The following BOC variants were observed in gnomAD, a reference collection of about 807,000 sequenced individuals.
The protein encoded by BOC is BOC cell adhesion associated, oncogene regulated, also known as brother of CDO.
BOC carries 76 observed loss-of-function variants against 112.0 expected under a neutral mutation model. That is an observed-to-expected ratio of 0.68 (90% CI 0.56 to 0.82). The LOEUF (loss-of-function observed/expected upper bound fraction) is 0.82, where lower values mean the gene tolerates loss of function less well. BOC is among the 40% of genes least tolerant of loss of function. BOC has a pLI of 0.00. For missense variants in BOC, 1,309 were observed against 1,511.7 expected, an observed-to-expected ratio of 0.87 and a Z score of 2.22; for synonymous variants, 580 against 599.8, an observed-to-expected ratio of 0.97 and a Z score of 0.48.
intron 4 of BOC, among the ~76,000 whole-genome samples, chr3:113,256,191 CTGTACTGCCCA>C (rs2107478176): frequency 6.6e-6 from 1 of 152,330 alleles, no homozygotes; most frequent in African/African-American, 2.4e-5. Flanking sequence ...GTGTCCAGCC[CTGTACTGCCCA>C]GTTCCATTCT....
chr3:113,251,452 G>C (rs1945632176), intron 4 of BOC: 1 of 154,702 alleles, frequency 6.5e-6, no homozygotes, highest in African/African-American at 2.4e-5. Context: ...GAAGAGATGA[G>C]GTGACAGTTT....
At position 113,236,292 on chromosome 3, in the gene BOC, A is replaced by ATATATATATATATACCCATGGG. The variant is rs1553726908; in HGVS notation, c.-81-13416_-81-13415insCCCATGGGTATATATATATATA. ...TATATATACCCATGGGTATATATAT[A>ATATATATATATATACCCATGGG]TATATATATATATATATATACCCAT... On this transcript the variant is annotated intron_variant, in intron 2 of 19. Transcript: ENST00000682979. 1.1e-3 allele frequency among the ~76,000 whole-genome samples: 51 copies of ATATATATATATATACCCATGGG among 48,384 alleles called. 1 individual carries two copies. The highest frequency in any genetic ancestry group is 4.5e-3 in the African/African-American group (40 of 8,798). The allele number at this position is 48,384 out of a possible 152,430, so 31.7% of individuals were successfully genotyped here.
intron 2 of BOC, among the ~76,000 whole-genome samples, chr3:113,239,537 C>T (rs1944014588): frequency 6.6e-6 from 1 of 152,228 alleles, no homozygotes; most frequent in African/African-American, 2.4e-5. Flanking sequence ...TATGAGTTGG[C>T]CATTCAGGCT....
At chr3:113,226,316 C>T (rs996158577) in intron 2 of BOC, among the ~76,000 whole-genome samples, 1 of 152,154 alleles carries the variant, frequency 6.6e-6, no homozygotes, top group African/African-American at 2.4e-5. Context: ...GGTCTTTCTC[C>T]ATGTGGGGTG....
chr3:113,272,256 G>A lies in BOC; in HGVS notation c.668-154G>A, dbSNP rs149927346. On this transcript the variant is annotated intron_variant, in intron 6 of 19. Coordinates refer to ENST00000682979, the MANE Select transcript of BOC (RefSeq NM_001378074.1). ...TCTGATAAGGACACCAAGCCCCAAG[G>A]GAATTCTGTAGCACGCCCCACTCTA... 813 of 776,568 alleles carry A rather than the reference G, an allele frequency of 1.0e-3. 1 individual carries two copies. In the East Asian group the frequency reaches 0.012, roughly 11 times the overall value. 48.1% of individuals were successfully genotyped at this position (776,568 alleles called of 1,614,324 possible).
chr3:113,278,277 C>G lies in BOC; in HGVS notation c.1705+20C>G. ...GAACTGGTGAGAGTCAAACATTGCC[C>G]CTTGCTTAGGGTTTCCGTGGGTCTA... On this transcript the variant is annotated intron_variant, in intron 10 of 19. Transcript: ENST00000682979. This position sits in a 1 kb window ranked among gnomAD's most constrained non-coding sequence, Gnocchi z 4.2. The G allele has an allele frequency of 6.2e-7, 1 of 1,613,042 alleles. No individual in the cohort carries two copies. Among genetic ancestry groups the G allele is most frequent in the Non-Finnish European group, 8.5e-7 (1 of 1,179,176 alleles).
chr3:113,240,213 A>T (rs1944106802), intron 2 of BOC, among the ~76,000 whole-genome samples: 1 of 152,220 alleles, frequency 6.6e-6, no homozygotes, highest in Non-Finnish European at 1.5e-5. Context: ...AGCAGTGGGT[A>T]AGAACAGGGA....
Position 113,272,618 on chromosome 3 carries a change from G to A in BOC, c.876G>A (p.Glu292=), listed in dbSNP as rs575024692. The part of the protein sequence containing the change: ...SNLLIDTTSE[E]DSGTYRCMAD... The stretch of plus-strand genomic sequence containing the variant: ...TCCTCATCGACACCACCAGCGAGGA[G>A]GACTCAGGCACCTACCGCTGCATGG... The change falls in exon 7 of 20, where the codon GAG becomes GAA. Residue 292 remains glutamate (E), a synonymous_variant. Coordinates refer to ENST00000682979, the MANE Select transcript of BOC (RefSeq NM_001378074.1). 1.2e-6 allele frequency: 2 copies of A among 1,614,020 alleles called. No homozygotes were observed. The highest frequency in any genetic ancestry group is 1.3e-5 in the African/African-American group (1 of 74,994).
At chr3:113,249,568 A>C (rs1240916447) in intron 2 of BOC, among the ~76,000 whole-genome samples, 154 bp from the exon 3 acceptor site, 2 of 152,186 alleles carry the variant, frequency 1.3e-5, no homozygotes, top group Non-Finnish European at 1.5e-5. Context: ...AAATGGCACT[A>C]TAGTGTTCTT....
intron 4 of BOC, among the ~76,000 whole-genome samples, 163 bp from the exon 5 acceptor site, chr3:113,268,136 C>A (rs1947706562): frequency 6.6e-6 from 1 of 152,130 alleles, no homozygotes; most frequent in Non-Finnish European, 1.5e-5. Flanking sequence ...CTTACAAACT[C>A]CTGTAGACAA....
chr3:113,225,757 A>C (rs2107657158), intron 2 of BOC, among the ~76,000 whole-genome samples: 1 of 152,364 alleles, frequency 6.6e-6, no homozygotes, highest in South Asian at 2.1e-4. Context: ...ATCAGGGTGC[A>C]GTCTCCTGGC....
Position 113,274,580 on chromosome 3 carries a change from GC to G in BOC, c.1444del (p.Arg482AlafsTer29). The G allele has an allele frequency of 6.2e-7, 1 of 1,613,626 alleles. No homozygotes were observed. Among genetic ancestry groups the G allele is most frequent in the Non-Finnish European group, 8.5e-7 (1 of 1,179,998 alleles). On this transcript the variant is annotated frameshift_variant, in exon 9 of 20. Coordinates refer to ENST00000682979, the MANE Select transcript of BOC (RefSeq NM_001378074.1). LOFTEE classifies it high-confidence loss of function. The surrounding 1 kb of genome is among the most constrained non-coding windows in gnomAD (Gnocchi z 4.8). ...PAEAPIILSS[P>X]RTSKTDSYEL... ...CCGAGGCTCCCATCATCCTCAGCTC[GC>G]CCCGCACCTCCAAGACAGACTCATA...
chr3:113,274,584 C>A lies in BOC; in HGVS notation c.1444C>A (p.Arg482Ser). ...AEAPIILSSP[R>S]TSKTDSYELV... is the part of the protein sequence containing the mutation. Reference sequence around the variant, plus strand: ...GGCTCCCATCATCCTCAGCTCGCCCCGCACCTCCAAGACAGACTCATATGA... The same window carrying A: ...GGCTCCCATCATCCTCAGCTCGCCCAGCACCTCCAAGACAGACTCATATGA... The change falls in exon 9 of 20, where the codon CGC (arginine) becomes AGC (serine). Residue 482 changes from arginine to serine, a missense_variant. By Grantham distance (110) the Arg-to-Ser change is moderately radical. Coordinates refer to ENST00000682979, the MANE Select transcript of BOC (RefSeq NM_001378074.1). The surrounding 1 kb of genome is among the most constrained non-coding windows in gnomAD (Gnocchi z 4.8). 6.2e-7 allele frequency: 1 copy of A among 1,613,682 alleles called. No homozygotes were observed. The highest frequency in any genetic ancestry group is 8.5e-7 in the Non-Finnish European group (1 of 1,180,010).
intron 19 of BOC, among the ~76,000 whole-genome samples, chr3:113,286,233 T>G (rs9840485): frequency 0.028 from 4,273 of 152,200 alleles, 76 homozygotes; most frequent in Middle Eastern, 0.065. Context: ...GAGATTAAAT[T>G]TAAAAGATGC....
At chr3:113,233,524 G>A (rs1426822264) in intron 2 of BOC, among the ~76,000 whole-genome samples, 1 of 152,048 alleles carries the variant, frequency 6.6e-6, no homozygotes, top group African/African-American at 2.4e-5. Flanking sequence ...ACAGCTCCTC[G>A]CTAGTCTATG....
intron 2 of BOC, among the ~76,000 whole-genome samples, chr3:113,219,254 C>T (rs765838283): frequency 6.6e-6 from 1 of 152,186 alleles, no homozygotes; most frequent in Non-Finnish European, 1.5e-5. Context: ...AACGGTGGAC[C>T]TGGAGGGCAA....
chr3:113,259,523 TC>T (rs939494161), intron 4 of BOC, among the ~76,000 whole-genome samples: 7 of 152,206 alleles, frequency 4.6e-5, no homozygotes, highest in African/African-American at 7.2e-5. Flanking sequence ...CTTGGTTCCC[TC>T]ATTTTTTAAA....
At position 113,233,148 on chromosome 3, in the gene BOC, G is replaced by GGGGTGTGTGTGTGT. The variant is rs75678874; in HGVS notation, c.-81-16573_-81-16572insGGTGTGTGTGTGTG. Reference sequence around the variant, plus strand: ...CATGCATGAGCATGTAAAGGATTGGGGTGTGTGTGTGTGTGTGTGTGTGTG... The same window carrying GGGGTGTGTGTGTGT: ...CATGCATGAGCATGTAAAGGATTGGGGGGTGTGTGTGTGTGTGTGTGTGTGTGTGTGTGTGTGTG... On this transcript the variant is annotated intron_variant, in intron 2 of 19. Coordinates refer to ENST00000682979, the MANE Select transcript of BOC (RefSeq NM_001378074.1). Among the ~76,000 whole-genome samples, 15 of 124,032 alleles carry GGGGTGTGTGTGTGT rather than the reference G, an allele frequency of 1.2e-4. 1 individual carries two copies. Among genetic ancestry groups the GGGGTGTGTGTGTGT allele is most frequent in the East Asian group, 5.1e-4 (2 of 3,938 alleles). The allele number at this position is 124,032 out of a possible 152,430, so 81.4% of individuals were successfully genotyped here. A position where few individuals can be genotyped will look rare whatever the true frequency, so the allele number is the denominator to read the frequency against.
intron 4 of BOC, among the ~76,000 whole-genome samples, chr3:113,259,802 T>C (rs1481054612): frequency 2.6e-5 from 4 of 152,140 alleles, no homozygotes; most frequent in Admixed American, 6.5e-5. Flanking sequence ...ATAGGGAGAA[T>C]TGTGATTAAT....
Sources: gnomAD v4.1 joint callset for allele counts (sites outside exome capture counted in the v4.1 genomes callset) on GRCh38, gnomAD v4.1.1 for gene constraint, Gnocchi (gnomAD v3.1) non-coding constraint, MANE v1.5 for transcripts, NCBI Gene and HGNC (gene_info 2026-07-23, HGNC 2026-07-21) for gene names.